Variants in ST3GAL3 observed in about 807,000 individuals in gnomAD.
ST3GAL3 encodes CMP-N-acetylneuraminate-beta-1,4-galactoside alpha-2,3-sialyltransferase.
ST3GAL3 carries 21 observed loss-of-function variants against 50.1 expected under a neutral mutation model. That is an observed-to-expected ratio of 0.42 (90% CI 0.30 to 0.60). The LOEUF (loss-of-function observed/expected upper bound fraction) is 0.60. Ranked by LOEUF, ST3GAL3 falls within the 20% of genes least tolerant of loss-of-function variation. ST3GAL3 has a pLI of 0.19. For missense variants in ST3GAL3, 353 were observed against 489.4 expected, an observed-to-expected ratio of 0.72 and a Z score of 2.63; for synonymous variants, 183 against 190.0, an observed-to-expected ratio of 0.96 and a Z score of 0.30.
chr1:43,800,188 A>T (rs898951471), intron 3 of ST3GAL3, among the ~76,000 whole-genome samples: 1 of 152,202 alleles, frequency 6.6e-6, no homozygotes, highest in Non-Finnish European at 1.5e-5. Context: ...CCCCCACACC[A>T]ACATACACCC....
At chr1:43,873,846 A>T (rs1320219001) in intron 5 of ST3GAL3, among the ~76,000 whole-genome samples, 1 of 152,098 alleles carries the variant, frequency 6.6e-6, no homozygotes, top group East Asian at 1.9e-4. Context: ...AGGGGAATAT[A>T]GCAGTGTGTG....
intron 5 of ST3GAL3, among the ~76,000 whole-genome samples, chr1:43,847,314 C>G (rs1439454448): frequency 6.6e-6 from 1 of 152,168 alleles, no homozygotes; most frequent in African/African-American, 2.4e-5. Context: ...CCCAAAATAA[C>G]TGAAAGCAGG....
chr1:43,753,673 A>T (rs573449122), intron 2 of ST3GAL3, among the ~76,000 whole-genome samples: 1 of 152,268 alleles, frequency 6.6e-6, no homozygotes, highest in Non-Finnish European at 1.5e-5. Context: ...TAGACTGCTG[A>T]CCTTTGTCAG....
At chr1:43,788,192 CTTAA>C (rs1002398763) in intron 2 of ST3GAL3, among the ~76,000 whole-genome samples, 15 of 152,100 alleles carry the variant, frequency 9.9e-5, no homozygotes, top group African/African-American at 3.4e-4. Flanking sequence ...CTCTTTTAGT[CTTAA>C]TTAGTTTTAG....
intron 5 of ST3GAL3, chr1:43,878,931 T>C: frequency 2.3e-6 from 1 of 440,134 alleles, no homozygotes. Context: ...CCTGTTCACA[T>C]GGAGACCCTC....
chr1:43,818,033 C>T (rs2061633788), intron 4 of ST3GAL3, among the ~76,000 whole-genome samples: 1 of 152,026 alleles, frequency 6.6e-6, no homozygotes, highest in Non-Finnish European at 1.5e-5. Flanking sequence ...CAGTATCTGG[C>T]CTCATTTAGA....
intron 2 of ST3GAL3, among the ~76,000 whole-genome samples, chr1:43,752,501 T>C (rs1194102555): frequency 7.2e-5 from 11 of 152,138 alleles, no homozygotes; most frequent in Admixed American, 6.5e-4. Flanking sequence ...TCCCTCACAA[T>C]ATTTTGTTTG....
At chr1:43,749,051 T>G (rs1685017347) in intron 2 of ST3GAL3, among the ~76,000 whole-genome samples, 1 of 152,174 alleles carries the variant, frequency 6.6e-6, no homozygotes, top group East Asian at 1.9e-4. Context: ...AAATAGACCA[T>G]GCATATGTAG....
intron 3 of ST3GAL3, among the ~76,000 whole-genome samples, chr1:43,792,659 T>G (rs1338523142): frequency 6.6e-6 from 1 of 152,204 alleles, no homozygotes; most frequent in African/African-American, 2.4e-5. Flanking sequence ...TGTGTACTCA[T>G]GCCAAAATGC....
intron 11 of ST3GAL3, among the ~76,000 whole-genome samples, chr1:43,925,601 C>T (rs764294491): frequency 6.6e-6 from 1 of 152,186 alleles, no homozygotes; most frequent in Non-Finnish European, 1.5e-5. Flanking sequence ...CCTCTGTTAC[C>T]TGGGGTGTCT....
chr1:43,832,869 A>G (rs2063730132), intron 4 of ST3GAL3, among the ~76,000 whole-genome samples: 2 of 152,148 alleles, frequency 1.3e-5, no homozygotes, highest in South Asian at 4.1e-4. Context: ...GGAATTGAAG[A>G]ATTCCCTCCT....
chr1:43,711,871 G>A (rs1486741185), intron 1 of ST3GAL3, among the ~76,000 whole-genome samples: 2 of 152,230 alleles, frequency 1.3e-5, no homozygotes, highest in African/African-American at 2.4e-5. Flanking sequence ...TGGGAAATGT[G>A]TAATAATTTT....
intron 1 of ST3GAL3, among the ~76,000 whole-genome samples, chr1:43,723,139 C>G (rs1283109603): frequency 8.0e-5 from 12 of 150,476 alleles, no homozygotes; most frequent in African/African-American, 2.9e-4. Context: ...GATGGAGTCT[C>G]GTTCTATTGC....
intron 9 of ST3GAL3, among the ~76,000 whole-genome samples, chr1:43,911,648 T>A (rs2080925992): frequency 6.6e-6 from 1 of 151,486 alleles, no homozygotes; most frequent in Admixed American, 6.6e-5. Flanking sequence ...TCTATAGATA[T>A]ATCTGTAGCT....
chr1:43,800,878 C>A (rs968051390), intron 3 of ST3GAL3, among the ~76,000 whole-genome samples: 1 of 152,094 alleles, frequency 6.6e-6, no homozygotes, highest in Non-Finnish European at 1.5e-5. Context: ...TTTAATATAC[C>A]CCATGACTTT....
chr1:43,844,596 G>C (rs566148214), intron 5 of ST3GAL3, among the ~76,000 whole-genome samples: 1 of 152,262 alleles, frequency 6.6e-6, no homozygotes, highest in South Asian at 2.1e-4. Flanking sequence ...TGGATCATGA[G>C]GTCAGGAGAT....
chr1:43,755,003 A>G (rs1456852514), intron 2 of ST3GAL3, among the ~76,000 whole-genome samples: 2 of 152,204 alleles, frequency 1.3e-5, no homozygotes, highest in East Asian at 3.8e-4. Flanking sequence ...CTTAAAGGCA[A>G]ACATTGTAGG....
chr1:43,728,875 A>T (rs889043864), intron 1 of ST3GAL3, among the ~76,000 whole-genome samples: 4 of 152,060 alleles, frequency 2.6e-5, no homozygotes, highest in African/African-American at 9.7e-5. Flanking sequence ...ATACACACAC[A>T]CACATATATA....
intron 9 of ST3GAL3, among the ~76,000 whole-genome samples, chr1:43,907,888 C>T (rs1173560436): frequency 2.6e-5 from 4 of 152,152 alleles, no homozygotes; most frequent in East Asian, 1.9e-4. Flanking sequence ...GAAAAGTCAT[C>T]GCCTGTCCCA....
Sources: gnomAD v4.1 joint callset for allele counts (sites outside exome capture counted in the v4.1 genomes callset) on GRCh38, gnomAD v4.1.1 for gene constraint, MANE v1.5 for transcripts, NCBI Gene and HGNC (gene_info 2026-07-23, HGNC 2026-07-21) for gene names.